Variants in MTAP observed in about 807,000 individuals in gnomAD.
MTAP encodes the protein S-methyl-5'-thioadenosine phosphorylase.
A neutral mutation model predicts 33.6 loss-of-function variants in MTAP; 33 were observed. That is an observed-to-expected ratio of 0.98 (90% CI 0.74 to 1.31). The LOEUF is 1.31. Ranked by LOEUF, MTAP falls within the 40% of genes most tolerant of loss-of-function variation. The probability of loss-of-function intolerance (pLI) is 0.00; values close to 1 mark genes in which losing one functional copy is unlikely to be tolerated. For synonymous variants in MTAP, 148 were observed against 125.7 expected, an observed-to-expected ratio of 1.18 and a Z score of -1.19; for missense variants, 367 against 360.0, an observed-to-expected ratio of 1.02 and a Z score of -0.16.
exon 8 of MTAP, chr9:21,936,395 A>G (rs1202350979): frequency 6.6e-6 from 1 of 152,224 alleles, no homozygotes; most frequent in Non-Finnish European, 1.5e-5. Flanking sequence ...CACATAGTTC[A>G]GACTGCTCTG....
intron 2 of MTAP, 35 bp downstream of exon 2, chr9:21,815,554 T>C (rs1211814329): frequency 1.5e-6 from 2 of 1,368,378 alleles, no homozygotes; most frequent in Admixed American, 1.8e-5. Flanking sequence ...TGTTTTTTAG[T>C]TTTTTCATTT....
intron 4 of MTAP, among the ~76,000 whole-genome samples, chr9:21,834,253 A>T (rs988262962): frequency 2.0e-5 from 3 of 152,232 alleles, no homozygotes; most frequent in Non-Finnish European, 2.9e-5. Context: ...AAACTGATAT[A>T]ACTGAGGTGC....
chr9:21,833,767 T>G (rs1360669099), intron 4 of MTAP, among the ~76,000 whole-genome samples: 1 of 152,186 alleles, frequency 6.6e-6, no homozygotes, highest in Non-Finnish European at 1.5e-5. Context: ...AGGGGATGGG[T>G]GTTTGCCCTC....
intron 1 of MTAP, 117 bp downstream of exon 1, chr9:21,802,898 CGGGGAGGGACT>C (rs759720966): frequency 1.3e-6 from 2 of 1,482,054 alleles, no homozygotes; most frequent in Non-Finnish European, 1.8e-6. Context: ...CTTGCCGCCG[CGGGGAGGGACT>C]GGGGCGCGGC....
At chr9:21,887,154 A>G (rs1023118205) in intron 1 of MTAP, among the ~76,000 whole-genome samples, 14 of 152,136 alleles carry the variant, frequency 9.2e-5, no homozygotes, top group Non-Finnish European at 1.5e-4. Flanking sequence ...GTACATGTGC[A>G]CAACGTGCCC....
chr9:21,822,679 T>C lies in MTAP; in HGVS notation c.347+4477T>C, dbSNP rs1824676635. On this transcript the variant is annotated intron_variant, in intron 4 of 7. Coordinates refer to ENST00000644715, the MANE Select transcript of MTAP (RefSeq NM_002451.4). ...TGCAGAGCTGAATTCAATTCCTGGA[T>C]ATCCTTGTTAACTTTCTGTCTCGTT... Among the ~76,000 whole-genome samples, 2 of 152,212 alleles carry C rather than the reference T, an allele frequency of 1.3e-5. 1 individual carries two copies. Among genetic ancestry groups the C allele is most frequent in the South Asian group, 4.1e-4 (2 of 4,830 alleles).
At chr9:21,860,948 C>T (rs879273885) in intron 7 of MTAP, 7 of 152,070 alleles carry the variant, frequency 4.6e-5, no homozygotes, top group African/African-American at 1.2e-4. Flanking sequence ...TAGTAGATGA[C>T]CAACATGGTT....
At chr9:21,927,240 C>T (rs1175530364) in intron 1 of MTAP, among the ~76,000 whole-genome samples, 3 of 152,196 alleles carry the variant, frequency 2.0e-5, no homozygotes, top group Non-Finnish European at 4.4e-5. Flanking sequence ...TTTTAAAGAA[C>T]CTAGACCCAG....
At chr9:21,803,671 AAATTGATGATAAAACTT>A in intron 1 of MTAP, among the ~76,000 whole-genome samples, 1 of 152,140 alleles carries the variant, frequency 6.6e-6, no homozygotes, top group South Asian at 2.1e-4. Flanking sequence ...ACGTAAAGAA[AAATTGATGATAAAACTT>A]AAGACCTCTT....
rs1051430348 is a variant in MTAP at position 21,866,111 on chromosome 9, C to T, written c.*4097C>T. 6.6e-6 allele frequency: 1 copy of T among 151,950 alleles called. No homozygotes were observed. Among genetic ancestry groups the T allele is most frequent in the African/African-American group, 2.4e-5 (1 of 41,374 alleles). 9.4% of individuals were successfully genotyped at this position (151,950 alleles called of 1,614,324 possible). On this transcript the variant is annotated 3_prime_UTR_variant, in exon 8 of 8. Transcript: ENST00000644715. ...TTCTATTGGGTATATTTTGATATCT[C>T]GTGGTTTTGATTTGCATTTTTCTGA...
intron 1 of MTAP, among the ~76,000 whole-genome samples, chr9:21,891,350 G>C: frequency 1.3e-5 from 2 of 151,992 alleles, no homozygotes; most frequent in Non-Finnish European, 2.9e-5. Context: ...ATATCATTGA[G>C]ATTCAGGAGA....
intron 1 of MTAP, among the ~76,000 whole-genome samples, chr9:21,901,259 G>T (rs916834416): frequency 7.9e-5 from 12 of 152,128 alleles, no homozygotes; most frequent in African/African-American, 2.9e-4. Flanking sequence ...AGATGGAAAG[G>T]CTCAATGTTA....
chr9:21,814,009 G>A (rs1244014333), intron 1 of MTAP: 1 of 152,204 alleles, frequency 6.6e-6, no homozygotes, highest in African/African-American at 2.4e-5. Context: ...ATAAAAGTAT[G>A]TTAACCTGCT....
intron 1 of MTAP, among the ~76,000 whole-genome samples, chr9:21,926,079 C>T (rs1159702326): frequency 6.6e-6 from 1 of 152,098 alleles, no homozygotes; most frequent in Non-Finnish European, 1.5e-5. Flanking sequence ...AATCTTATGC[C>T]TCAAGGAAGT....
chr9:21,905,312 G>A (rs1818457971), intron 1 of MTAP, among the ~76,000 whole-genome samples: 1 of 152,190 alleles, frequency 6.6e-6, no homozygotes, highest in African/African-American at 2.4e-5. Flanking sequence ...CCAGTTGCCT[G>A]TGTGTGTGCC....
intron 4 of MTAP, among the ~76,000 whole-genome samples, chr9:21,837,629 G>C (rs1005723140): frequency 1.7e-4 from 26 of 152,184 alleles, no homozygotes; most frequent in African/African-American, 6.0e-4. Flanking sequence ...CCACAGTTGA[G>C]TTGCACCTGC....
At chr9:21,906,912 C>G (rs1254777877) in intron 1 of MTAP, among the ~76,000 whole-genome samples, 1 of 152,118 alleles carries the variant, frequency 6.6e-6, no homozygotes, top group Non-Finnish European at 1.5e-5. Context: ...CATCTCCTGT[C>G]AAAGAATGCT....
chr9:21,813,868 A>T (rs1824412269), intron 1 of MTAP: 1 of 152,196 alleles, frequency 6.6e-6, no homozygotes, highest in Non-Finnish European at 1.5e-5. Context: ...CTAAGGAAGG[A>T]TTGGGATTTC....
At chr9:21,877,434 C>G (rs1441923671) in intron 1 of MTAP, among the ~76,000 whole-genome samples, 19 of 152,078 alleles carry the variant, frequency 1.2e-4, no homozygotes, top group Admixed American at 1.2e-3. Context: ...TTGTCTTGTG[C>G]TGGTTTTCAA....
Sources: gnomAD v4.1 joint callset for allele counts (sites outside exome capture counted in the v4.1 genomes callset) on GRCh38, gnomAD v4.1.1 for gene constraint, MANE v1.5 for transcripts, NCBI Gene and HGNC (gene_info 2026-07-23, HGNC 2026-07-21) for gene names.